Variants in CACNG3 observed in about 807,000 individuals in gnomAD.
The protein encoded by CACNG3 is voltage-dependent calcium channel gamma-3 subunit.
A neutral mutation model predicts 28.5 loss-of-function variants in CACNG3; 3 were observed. That is an observed-to-expected ratio of 0.11 (90% CI 0.05 to 0.27). The LOEUF (loss-of-function observed/expected upper bound fraction) is 0.27. CACNG3 is among the 10% of genes least tolerant of loss of function. The pLI is 1.00. For synonymous variants in CACNG3, 174 were observed against 162.2 expected (o/e 1.07, Z -0.55); for missense variants, 236 against 414.4 (o/e 0.57, Z 3.74).
intron 1 of CACNG3, among the ~76,000 whole-genome samples, chr16:24,337,226 G>T (rs114016167): frequency 3.9e-5 from 6 of 152,276 alleles, no homozygotes; most frequent in African/African-American, 1.4e-4. Flanking sequence ...CTGAAAGCTT[G>T]CGTTCCTACC....
chr16:24,312,972 A>G (rs931289915), intron 1 of CACNG3, among the ~76,000 whole-genome samples: 1 of 148,690 alleles, frequency 6.7e-6, no homozygotes, highest in East Asian at 2.0e-4. Context: ...AAAGAAAAGA[A>G]AGAAAGAAAT....
At chr16:24,324,778 G>T (rs146488645) in intron 1 of CACNG3, among the ~76,000 whole-genome samples, 2 of 151,906 alleles carry the variant, frequency 1.3e-5, no homozygotes, top group East Asian at 3.9e-4. Flanking sequence ...TTCCCTACTG[G>T]GTCTCTTCTG....
At chr16:24,331,314 A>G (rs968517548) in intron 1 of CACNG3, among the ~76,000 whole-genome samples, 7 of 152,226 alleles carry the variant, frequency 4.6e-5, no homozygotes, top group Non-Finnish European at 1.0e-4. Context: ...CAGGCTCTTT[A>G]GAAATGAAGC....
chr16:24,302,236 G>A (rs1247818701), intron 1 of CACNG3, among the ~76,000 whole-genome samples: 3 of 152,160 alleles, frequency 2.0e-5, no homozygotes, highest in Non-Finnish European at 4.4e-5. Context: ...CTGTAAGGTT[G>A]TGCTATCCTT....
At chr16:24,309,137 C>T (rs1899227295) in intron 1 of CACNG3, among the ~76,000 whole-genome samples, 1 of 152,170 alleles carries the variant, frequency 6.6e-6, no homozygotes, top group Non-Finnish European at 1.5e-5. Flanking sequence ...TCGATTATCT[C>T]TCCAATGCGC....
chr16:24,335,607 T>C (rs1168652092), intron 1 of CACNG3, among the ~76,000 whole-genome samples: 1 of 152,172 alleles, frequency 6.6e-6, no homozygotes, highest in Non-Finnish European at 1.5e-5. Flanking sequence ...TTAAGCAACT[T>C]GCAGAGCTGG....
chr16:24,324,604 G>A (rs1361452809), intron 1 of CACNG3, among the ~76,000 whole-genome samples: 1 of 152,180 alleles, frequency 6.6e-6, no homozygotes, highest in Non-Finnish European at 1.5e-5. Flanking sequence ...CTGGCAGCCT[G>A]AGGGACCATT....
intron 1 of CACNG3, among the ~76,000 whole-genome samples, chr16:24,327,914 A>G (rs1899579516): frequency 6.6e-6 from 1 of 152,096 alleles, no homozygotes; most frequent in African/African-American, 2.4e-5. Flanking sequence ...TGCACTCCTG[A>G]GTGTCACAGA....
chr16:24,281,728 A>C (rs566705464), intron 1 of CACNG3, among the ~76,000 whole-genome samples: 1 of 152,328 alleles, frequency 6.6e-6, no homozygotes, highest in South Asian at 2.1e-4. Flanking sequence ...ATGATGATAA[A>C]TGACAACCAT....
At chr16:24,351,961 G>A (rs1434429380) in intron 2 of CACNG3, among the ~76,000 whole-genome samples, 2 of 150,070 alleles carry the variant, frequency 1.3e-5, no homozygotes, top group Non-Finnish European at 1.5e-5. Context: ...GACTACAGGC[G>A]CCCACCACCA....
At chr16:24,291,845 C>T (rs1010385790) in intron 1 of CACNG3, among the ~76,000 whole-genome samples, 2 of 152,090 alleles carry the variant, frequency 1.3e-5, no homozygotes, top group Non-Finnish European at 2.9e-5. Context: ...ACGGGGCATA[C>T]AGGAAAGCCA....
intron 1 of CACNG3, among the ~76,000 whole-genome samples, chr16:24,268,950 C>G (rs376998482): frequency 6.6e-6 from 1 of 152,128 alleles, no homozygotes; most frequent in Admixed American, 6.5e-5. Flanking sequence ...ATAGACGATG[C>G]GAATCTGCAG....
rs369482122 is a variant in CACNG3, at chr16:24,286,693, A to G, written c.211+29728A>G. ...TTCCGTCTTACTCTCATAGTTATGT[A>G]AGAGATAGGTGCTATTACCATCCTT... On this transcript the variant is annotated intron_variant, in intron 1 of 3. Coordinates refer to ENST00000005284, the MANE Select transcript of CACNG3 (RefSeq NM_006539.4). Among the ~76,000 whole-genome samples the G allele has an allele frequency of 5.3e-5, 8 of 152,298 alleles. No homozygotes were observed. In the East Asian group the frequency reaches 1.4e-3, roughly 26 times the overall value.
intron 1 of CACNG3, among the ~76,000 whole-genome samples, chr16:24,275,128 A>G (rs1449162315): frequency 1.3e-5 from 2 of 152,140 alleles, no homozygotes; most frequent in African/African-American, 4.8e-5. Context: ...AGGAAGCTGA[A>G]GTGAGAGGAT....
chr16:24,262,487 C>A (rs1596619246), intron 1 of CACNG3, among the ~76,000 whole-genome samples: 1 of 152,318 alleles, frequency 6.6e-6, no homozygotes, highest in East Asian at 1.9e-4. Context: ...TCTTGATAAA[C>A]AACAACTGGC....
chr16:24,337,843 G>T (rs1899732224), intron 1 of CACNG3, among the ~76,000 whole-genome samples: 1 of 151,428 alleles, frequency 6.6e-6, no homozygotes, highest in Non-Finnish European at 1.5e-5. Context: ...GCTGACCTTG[G>T]TCCATGTCCA....
chr16:24,260,588 G>A (rs931503973), intron 1 of CACNG3, among the ~76,000 whole-genome samples: 1 of 152,218 alleles, frequency 6.6e-6, no homozygotes, highest in African/African-American at 2.4e-5. Context: ...TCATGCTTTG[G>A]TGGGTAGCCT....
chr16:24,260,782 T>C (rs1039036938), intron 1 of CACNG3, among the ~76,000 whole-genome samples: 8 of 152,192 alleles, frequency 5.3e-5, no homozygotes, highest in Non-Finnish European at 1.0e-4. Context: ...AATTGACCTG[T>C]GTAGAGACAC....
chr16:24,280,613 C>T (rs1898812212), intron 1 of CACNG3, among the ~76,000 whole-genome samples: 1 of 151,768 alleles, frequency 6.6e-6, no homozygotes, highest in South Asian at 2.1e-4. Context: ...GTCAGGAGTT[C>T]GAGACCAGCC....
Sources: allele counts gnomAD v4.1 joint callset (sites outside exome capture counted in the v4.1 genomes callset), GRCh38; gene constraint gnomAD v4.1.1; transcripts MANE v1.5; gene names NCBI Gene and HGNC (gene_info 2026-07-23, HGNC 2026-07-21).